LEMD3: variants seen among roughly 807,000 people sequenced by gnomAD.
The protein encoded by LEMD3 is LEM domain containing 3, also known as inner nuclear membrane protein Man1.
In LEMD3, 33 loss-of-function variants were observed where a neutral mutation model predicts 95.2. The ratio of observed to expected loss-of-function variants is 0.35; its 90% CI spans 0.26 to 0.46. LEMD3 has a LOEUF of 0.46. Among genes scored for constraint, LEMD3 ranks in the 20% least tolerant of loss-of-function variants. The probability of loss-of-function intolerance (pLI) is 1.00; values close to 1 mark genes in which losing one functional copy is unlikely to be tolerated. For missense variants in LEMD3, 1,210 were observed against 1,192.8 expected (o/e 1.01, Z -0.21); for synonymous variants, 525 against 474.6 (o/e 1.11, Z -1.38).
At chr12:65,199,271 CTG>C (rs1210909538) in intron 1 of LEMD3, among the ~76,000 whole-genome samples, 2 of 152,032 alleles carry the variant, frequency 1.3e-5, no homozygotes, top group Non-Finnish European at 2.9e-5. Flanking sequence ...AAGGAACAGA[CTG>C]TCATTAAAGT....
intron 4 of LEMD3, among the ~76,000 whole-genome samples, chr12:65,226,158 T>TA (rs1262903812): frequency 6.6e-6 from 1 of 152,190 alleles, no homozygotes; most frequent in Non-Finnish European, 1.5e-5. Flanking sequence ...TTTCAACTAT[T>TA]AGATTCAGAC....
chr12:65,184,153 A>T (rs924465477), intron 1 of LEMD3, among the ~76,000 whole-genome samples: 1 of 152,170 alleles, frequency 6.6e-6, no homozygotes, highest in African/African-American at 2.4e-5. Flanking sequence ...AGGATTTTAT[A>T]TTGTGGATTA....
chr12:65,219,415 A>G (rs1870212860), intron 4 of LEMD3, among the ~76,000 whole-genome samples: 1 of 152,202 alleles, frequency 6.6e-6, no homozygotes, highest in South Asian at 2.1e-4. Flanking sequence ...CATACAGGAA[A>G]GCTTGTTGTC....
chr12:65,171,210 C>T, intron 1 of LEMD3, 92 bp downstream of exon 1: 1 of 1,583,538 alleles, frequency 6.3e-7, no homozygotes, highest in South Asian at 1.1e-5. Flanking sequence ...AAGTGACTTA[C>T]CTGCAAGAAT....
At chr12:65,240,319 G>T (rs1870896969) in intron 8 of LEMD3, 81 bp downstream of exon 8, 4 of 1,067,494 alleles carry the variant, frequency 3.7e-6, no homozygotes, top group Non-Finnish European at 4.4e-6. Flanking sequence ...ATTGAGAGCT[G>T]TGACCCTTCT....
In LEMD3 at chr12:65,246,510, G is replaced by C; in HGVS notation, c.*185G>C. On this transcript the variant is annotated 3_prime_UTR_variant, in exon 13 of 13. Transcript: ENST00000308330. ...TGAGGCAGCAATGCTGAGTAGGTAG[G>C]ATAATTATTTCATTCAGTTTTTGGA... 5.0e-6 allele frequency: 3 copies of C among 598,320 alleles called. No homozygotes were observed. The highest frequency in any genetic ancestry group is 8.9e-6 in the Non-Finnish European group (3 of 338,964). 37.1% of individuals were successfully genotyped at this position (598,320 alleles called of 1,614,324 possible).
At position 65,170,865 on chromosome 12, in the gene LEMD3, G is replaced by A. The variant is rs756074055; in HGVS notation, c.1269G>A (p.Arg423=). 1.2e-6 allele frequency: 2 copies of A among 1,614,202 alleles called. No individual in the cohort carries two copies. Among genetic ancestry groups the A allele is most frequent in the East Asian group, 4.5e-5 (2 of 44,868 alleles). ...CGGTGGCCGCCTCTAGTTCACTCAG[G>A]ATCAATCACGCCAATCATACGGGCT... ...SAAVAASSSL[R]INHANHTGSN... is the part of the protein sequence containing the mutation. Residue 423 remains arginine, a synonymous_variant, in exon 1 of 13, where the codon AGG becomes AGA. Coordinates refer to ENST00000308330, the MANE Select transcript of LEMD3 (RefSeq NM_014319.5).
chr12:65,245,592 A>G, intron 10 of LEMD3, 77 bp from the exon 11 acceptor site: 1 of 925,482 alleles, frequency 1.1e-6, no homozygotes, highest in Non-Finnish European at 1.8e-6. Flanking sequence ...AGTAATATAT[A>G]TATGTTGTAA....
At chr12:65,217,632 G>T (rs934883950) in intron 3 of LEMD3, among the ~76,000 whole-genome samples, 10 of 152,160 alleles carry the variant, frequency 6.6e-5, no homozygotes, top group African/African-American at 2.4e-4. Flanking sequence ...TCAATATGAG[G>T]ATAATTTATT....
At chr12:65,178,778 A>T (rs372777169) in intron 1 of LEMD3, among the ~76,000 whole-genome samples, 3 of 152,214 alleles carry the variant, frequency 2.0e-5, no homozygotes, top group African/African-American at 7.2e-5. Flanking sequence ...TTGAACTCAG[A>T]CAGTGGCTCT....
In LEMD3 at chr12:65,177,650, G is replaced by GT. The variant is rs993773608; in HGVS notation, c.1522+6539dup. ...ACTAAGGGAATACTTTTAAATGTTT[G>GT]TTTTTTTAATGTGTTGTTGTTTTCT... On this transcript the variant is annotated intron_variant, in intron 1 of 12. Coordinates refer to ENST00000308330, the MANE Select transcript of LEMD3 (RefSeq NM_014319.5). 1.5e-4 allele frequency among the ~76,000 whole-genome samples: 23 copies of GT among 152,070 alleles called. No individual in the cohort carries two copies. In the East Asian group the frequency reaches 2.9e-3, roughly 19 times the overall value.
chr12:65,189,126 CA>C (rs1423464036), intron 1 of LEMD3, among the ~76,000 whole-genome samples: 1 of 152,104 alleles, frequency 6.6e-6, no homozygotes, highest in Non-Finnish European at 1.5e-5. Flanking sequence ...AGAATTGTAG[CA>C]ATATACTAAT....
intron 2 of LEMD3, among the ~76,000 whole-genome samples, chr12:65,211,714 A>G (rs1373217384): frequency 6.6e-6 from 1 of 152,218 alleles, no homozygotes; most frequent in Non-Finnish European, 1.5e-5. Context: ...GTAATATTCT[A>G]TTGCAGTGAT....
At chr12:65,193,942 G>C (rs1488186621) in intron 1 of LEMD3, among the ~76,000 whole-genome samples, 2 of 151,994 alleles carry the variant, frequency 1.3e-5, no homozygotes, top group African/African-American at 4.8e-5. Flanking sequence ...TATTTGACTA[G>C]TAAAAGCAGG....
chr12:65,240,167 G>A lies in LEMD3; in HGVS notation c.2055G>A (p.Gln685=), dbSNP rs1490123279. ...TACGAAGTCATAATGAAGCCTGCCA[G>A]GAAAACAAAGATTTACAACCTTACA... ...DVLRSHNEAC[Q]ENKDLQPYMP... Residue 685 remains glutamine, a synonymous_variant, in exon 8 of 13, where the codon CAG becomes CAA. Transcript: ENST00000308330. The A allele has an allele frequency of 1.2e-6, 2 of 1,613,668 alleles. No individual in the cohort carries two copies.
Position 65,169,624 on chromosome 12 carries a change from C to T in LEMD3, c.28C>T (p.Gln10Ter), listed in dbSNP as rs1565775031. The T allele has an allele frequency of 1.3e-6, 2 of 1,589,276 alleles. No individual in the cohort carries two copies. Among genetic ancestry groups the T allele is most frequent in the Non-Finnish European group, 1.7e-6 (2 of 1,169,984 alleles). ...GGCGGCGGCAGCAGCTTCGGCGCCT[C>T]AGCAGCTCTCGGATGAGGAGCTTTT... MAAAAASAP[Q>*]QLSDEELFSQ... The change falls in exon 1 of 13, where the codon CAG (glutamine) becomes TAG (stop). Residue 10 changes from glutamine (Q) to a stop codon, truncating the protein, a stop_gained. Coordinates refer to ENST00000308330, the MANE Select transcript of LEMD3 (RefSeq NM_014319.5). LOFTEE classifies it high-confidence loss of function.
In LEMD3 at chr12:65,206,138, C is replaced by A. The variant is rs554469254; in HGVS notation, c.1523-4788C>A. On this transcript the variant is annotated intron_variant, in intron 1 of 12. Coordinates refer to ENST00000308330, the MANE Select transcript of LEMD3 (RefSeq NM_014319.5). ...AGCTGTTGGAAACATTCCCCCTCAC[C>A]CACAACCCCTTTGCTTTCTTCACAT... Among the ~76,000 whole-genome samples, 61 of 152,246 alleles carry A rather than the reference C, an allele frequency of 4.0e-4. 1 individual carries two copies. The East Asian group carries it at 7.7e-3, about 19-fold the overall frequency.
intron 1 of LEMD3, among the ~76,000 whole-genome samples, chr12:65,196,084 G>C (rs1869420955): frequency 6.6e-6 from 1 of 151,552 alleles, no homozygotes; most frequent in Non-Finnish European, 1.5e-5. Context: ...TACAGACCTG[G>C]TTGATGTGTG....
Position 65,169,793 on chromosome 12 carries a change from G to A in LEMD3, c.197G>A (p.Ser66Asn), listed in dbSNP as rs765645790. The change falls in exon 1 of 13, where the codon AGT (serine) becomes AAT (asparagine). Residue 66 changes from serine (S) to asparagine (N), a missense_variant. Ser to Asn is a conservative substitution (Grantham distance 46). Coordinates refer to ENST00000308330, the MANE Select transcript of LEMD3 (RefSeq NM_014319.5). ...SGGRGNKTRN[S>N]NNNNTAAATV... ...GGCCGCGGCAACAAGACGCGGAACA[G>A]TAATAACAATAACACGGCAGCCGCC... 4.5e-6 allele frequency: 7 copies of A among 1,555,288 alleles called. No individual in the cohort carries two copies. The highest frequency in any genetic ancestry group is 1.2e-5 in the South Asian group (1 of 85,280).
Sources: allele counts gnomAD v4.1 joint callset (sites outside exome capture counted in the v4.1 genomes callset), GRCh38; gene constraint gnomAD v4.1.1; transcripts MANE v1.5; gene names NCBI Gene and HGNC (gene_info 2026-07-23, HGNC 2026-07-21).